Variants in CRKL observed in about 807,000 individuals in gnomAD.
CRKL encodes crk-like protein.
In CRKL, 3 loss-of-function variants were observed where a neutral mutation model predicts 23.0. The observed-to-expected ratio is 0.13, with a 90% CI of 0.06 to 0.34. The LOEUF (loss-of-function observed/expected upper bound fraction) is 0.34, where lower values mean the gene tolerates loss of function less well. Ranked by LOEUF, CRKL falls within the 10% of genes least tolerant of loss-of-function variation. The pLI is 1.00. For synonymous variants in CRKL, 188 were observed against 160.7 expected (o/e 1.17, Z -1.28); for missense variants, 256 against 394.5 (o/e 0.65, Z 2.97).
intron 2 of CRKL, among the ~76,000 whole-genome samples, chr22:20,946,263 A>G (rs1922049328): frequency 6.6e-6 from 1 of 152,176 alleles, no homozygotes; most frequent in Admixed American, 6.5e-5. Flanking sequence ...CAAGTGCCAG[A>G]TGCCAGTCAG....
intron 2 of CRKL, among the ~76,000 whole-genome samples, chr22:20,939,768 A>T (rs936294249): frequency 1.4e-5 from 2 of 145,704 alleles, no homozygotes; most frequent in South Asian, 4.3e-4. Flanking sequence ...TTGTCATATG[A>T]TCTGCGTACA....
At chr22:20,943,637 G>A (rs142290761) in intron 2 of CRKL, among the ~76,000 whole-genome samples, 1 of 152,268 alleles carries the variant, frequency 6.6e-6, no homozygotes, top group African/African-American at 2.4e-5. Context: ...GTGGAAATTG[G>A]TGCAGTTGTC....
intron 1 of CRKL, among the ~76,000 whole-genome samples, chr22:20,932,527 G>A (rs904780073): frequency 6.6e-6 from 1 of 152,040 alleles, no homozygotes; most frequent in African/African-American, 2.4e-5. Context: ...CCATAGATTA[G>A]GACTGGGAGG....
At chr22:20,949,151 G>A (rs1461445329) in intron 2 of CRKL, among the ~76,000 whole-genome samples, 2 of 151,922 alleles carry the variant, frequency 1.3e-5, no homozygotes, top group African/African-American at 4.8e-5. Context: ...TTTGAGACAG[G>A]GTCTCACTCG....
rs182803565 is a variant in CRKL at position 20,937,414 on chromosome 22, G to A, written c.777+3170G>A. On this transcript the variant is annotated intron_variant, in intron 2 of 2. Coordinates refer to ENST00000354336, the MANE Select transcript of CRKL (RefSeq NM_005207.4). ...TCGAGGCTCCCAGTCAGAATTTTAG[G>A]TACCTGCCTGTTGACCTCTGGCTCT... Among the ~76,000 whole-genome samples, 487 of 150,390 alleles carry A rather than the reference G, an allele frequency of 3.2e-3. 1 individual carries two copies. The highest frequency in any genetic ancestry group is 4.9e-3 in the Non-Finnish European group (335 of 67,758).
intron 1 of CRKL, among the ~76,000 whole-genome samples, chr22:20,931,986 T>G (rs1300942187): frequency 6.6e-6 from 1 of 152,004 alleles, no homozygotes; most frequent in African/African-American, 2.4e-5. Flanking sequence ...TAATTTTTTG[T>G]ATTTTTAGTA....
chr22:20,932,521 A>G (rs1921493217), intron 1 of CRKL, among the ~76,000 whole-genome samples: 1 of 152,024 alleles, frequency 6.6e-6, no homozygotes, highest in Non-Finnish European at 1.5e-5. Flanking sequence ...TGTAAGCCAT[A>G]GATTAGGACT....
chr22:20,951,264 A>G lies in CRKL; in HGVS notation c.*1419A>G, dbSNP rs935866720. 2.2e-5 allele frequency: 5 copies of G among 232,346 alleles called. No homozygotes were observed. Among genetic ancestry groups the G allele is most frequent in the African/African-American group, 4.4e-5 (2 of 45,306 alleles). The allele number at this position is 232,346 out of a possible 1,614,324, so 14.4% of individuals were successfully genotyped here. ...GCTGCTCATACTGGTCTCACAGTCT[A>G]AGTAAGTGTCTGTGATGCTCCCAAG... On this transcript the variant is annotated 3_prime_UTR_variant, in exon 3 of 3. Coordinates refer to ENST00000354336, the MANE Select transcript of CRKL (RefSeq NM_005207.4).
chr22:20,927,769 G>A (rs1049306022), intron 1 of CRKL, among the ~76,000 whole-genome samples: 3 of 149,854 alleles, frequency 2.0e-5, no homozygotes, highest in Middle Eastern at 3.5e-3. Context: ...TTTGAACCCG[G>A]GAGGTGGAGG....
Position 20,949,864 on chromosome 22 carries a change from C to A in CRKL, c.*19C>A. ...CGAGTGATTGCTGTTGCCCTGTTTC[C>A]TGCTGCTTTGTTGTTCTGCCTGTCC... On this transcript the variant is annotated 3_prime_UTR_variant, in exon 3 of 3. Transcript: ENST00000354336. 1 of 1,597,298 alleles carries A rather than the reference C, an allele frequency of 6.3e-7. No individual in the cohort carries two copies. The highest frequency in any genetic ancestry group is 1.4e-5 in the African/African-American group (1 of 73,994).
At chr22:20,941,753 C>T (rs146147640) in intron 2 of CRKL, among the ~76,000 whole-genome samples, 167 of 150,990 alleles carry the variant, frequency 1.1e-3, no homozygotes, top group Middle Eastern at 3.4e-3. Context: ...GCCACCAGGC[C>T]GGGCTAGTTT....
Position 20,953,329 on chromosome 22 carries a change from A to G in CRKL, c.*3484A>G, listed in dbSNP as rs535615292. The G allele has an allele frequency of 8.7e-6, 2 of 230,630 alleles. No individual in the cohort carries two copies. The highest frequency in any genetic ancestry group is 8.6e-6 in the Non-Finnish European group (1 of 116,390). The allele number at this position is 230,630 out of a possible 1,614,324, so 14.3% of individuals were successfully genotyped here. A position where few individuals can be genotyped will look rare whatever the true frequency, so the allele number is the denominator to read the frequency against. ...GGACGCTGTGCTGGTTCTGTTTTCT[A>G]AAGGAGCAGAAGGACAGGTCTCTGA... is the stretch of plus-strand genomic sequence containing the variant. On this transcript the variant is annotated 3_prime_UTR_variant, in exon 3 of 3. Transcript: ENST00000354336.
intron 1 of CRKL, among the ~76,000 whole-genome samples, chr22:20,924,539 T>C (rs764027545): frequency 2.4e-5 from 3 of 125,006 alleles, no homozygotes; most frequent in Non-Finnish European, 3.4e-5. Flanking sequence ...GTTAAAATCA[T>C]GTGAATTTGA....
rs2147891370 is a variant in CRKL, at chr22:20,917,986, C to T, written c.52C>T (p.Pro18Ser). ...SSDRSAWYMG[P>S]VSRQEAQTRL... The stretch of plus-strand genomic sequence containing the variant: ...GGACCGCTCCGCCTGGTATATGGGG[C>T]CGGTGTCTCGCCAGGAGGCGCAGAC... The change falls in exon 1 of 3, where the codon CCG (proline) becomes TCG (serine). Residue 18 changes from proline to serine, a missense_variant. Pro to Ser is a moderately conservative substitution (Grantham distance 74, BLOSUM62 -1). Transcript: ENST00000354336. 2.5e-6 allele frequency: 4 copies of T among 1,614,176 alleles called. No individual in the cohort carries two copies. The highest frequency in any genetic ancestry group is 3.4e-6 in the Non-Finnish European group (4 of 1,180,040).
intron 1 of CRKL, among the ~76,000 whole-genome samples, chr22:20,919,841 GA>G (rs923092395): frequency 4.0e-4 from 59 of 145,814 alleles, no homozygotes; most frequent in African/African-American, 6.3e-4. Flanking sequence ...GATAGAGATA[GA>G]AAAAAAAAAG....
At chr22:20,918,422 G>C (rs577443917) in intron 1 of CRKL, among the ~76,000 whole-genome samples, 177 bp downstream of exon 1, 1 of 88,632 alleles carries the variant, frequency 1.1e-5, no homozygotes, top group East Asian at 2.4e-4. Context: ...CACTGGATAA[G>C]AGGATGCGTT....
At chr22:20,943,816 G>C (rs573512319) in intron 2 of CRKL, among the ~76,000 whole-genome samples, 60 of 104,430 alleles carry the variant, frequency 5.7e-4, no homozygotes, top group African/African-American at 1.8e-3. Context: ...TACATAGTGA[G>C]ACTCCCACGT....
At chr22:20,931,648 T>A (rs1246472231) in intron 1 of CRKL, among the ~76,000 whole-genome samples, 2 of 152,132 alleles carry the variant, frequency 1.3e-5, no homozygotes, top group African/African-American at 4.8e-5. Flanking sequence ...TGGCTCCTCA[T>A]TTGTAAAATG....
intron 1 of CRKL, among the ~76,000 whole-genome samples, chr22:20,923,617 C>T (rs966954253): frequency 2.1e-5 from 3 of 140,222 alleles, no homozygotes; most frequent in Non-Finnish European, 4.6e-5. Flanking sequence ...GCTCTGTTGC[C>T]AGGCTGGAGT....
Sources: gnomAD v4.1 joint callset for allele counts (sites outside exome capture counted in the v4.1 genomes callset) on GRCh38, gnomAD v4.1.1 for gene constraint, MANE v1.5 for transcripts, NCBI Gene and HGNC (gene_info 2026-07-23, HGNC 2026-07-21) for gene names.